Variants in SNW1 observed in about 807,000 individuals in gnomAD.
The protein encoded by SNW1 is SNW domain-containing protein 1.
Under a neutral mutation model 75.6 loss-of-function variants are expected in SNW1, and 9 were observed. That is an observed-to-expected ratio of 0.12 (90% CI 0.07 to 0.21). The LOEUF (loss-of-function observed/expected upper bound fraction) is 0.21. Among genes scored for constraint, SNW1 ranks in the 10% least tolerant of loss-of-function variants. The pLI, the probability that SNW1 is intolerant of heterozygous loss-of-function variation, is 1.00. For missense variants in SNW1, 409 were observed against 670.9 expected (o/e 0.61, Z 4.31); for synonymous variants, 200 against 219.1 (o/e 0.91, Z 0.77).
intron 3 of SNW1, among the ~76,000 whole-genome samples, chr14:77,741,841 G>C (rs916513153): frequency 5.9e-5 from 9 of 152,084 alleles, no homozygotes; most frequent in African/African-American, 2.2e-4. Flanking sequence ...TGGCTCCCTG[G>C]TAGTCATGTA....
In SNW1 at chr14:77,751,462, C is replaced by T. The variant is rs1371565952; in HGVS notation, c.187G>A (p.Ala63Thr). The T allele has an allele frequency of 1.2e-6, 2 of 1,607,848 alleles. No homozygotes were observed. Among genetic ancestry groups the T allele is most frequent in the Non-Finnish European group, 1.7e-6 (2 of 1,178,042 alleles). Residue 63 changes from alanine to threonine, a missense_variant, in exon 3 of 14, where the codon GCT becomes ACT. This residue lies in a region of SNW1 where 10 missense variants were observed against 29.4 expected (regional missense o/e 0.34). Coordinates refer to ENST00000261531, the MANE Select transcript of SNW1 (RefSeq NM_012245.3). ...RLLEDFGDGG[A>T]FPEIHVAQYP... ...TGGGCCACATGGATCTCTGGAAAAG[C>T]ACCTCCATCTCCAAAATCCTACACA...
chr14:77,747,133 G>T (rs970714261), intron 3 of SNW1, among the ~76,000 whole-genome samples: 3 of 152,198 alleles, frequency 2.0e-5, no homozygotes, highest in Non-Finnish European at 4.4e-5. Context: ...TGGCCGGGCT[G>T]GTCTCCAGCT....
Position 77,726,324 on chromosome 14 carries a change from A to T in SNW1, c.1034-3047T>A, listed in dbSNP as rs187038931. Reference sequence around the variant, plus strand: ...CTACAATTTCTGTTTTTAAAATTTAATTTTTTTTCTTTTAAAAAGAGATAG... The same window carrying T: ...CTACAATTTCTGTTTTTAAAATTTATTTTTTTTTCTTTTAAAAAGAGATAG... On this transcript the variant is annotated intron_variant, in intron 10 of 13. Transcript: ENST00000261531. 3.4e-3 allele frequency among the ~76,000 whole-genome samples: 516 copies of T among 152,004 alleles called. 3 individuals carry two copies. The highest frequency in any genetic ancestry group is 0.012 in the African/African-American group (497 of 41,448).
chr14:77,753,296 T>C (rs1161612109), intron 2 of SNW1, among the ~76,000 whole-genome samples: 1 of 152,214 alleles, frequency 6.6e-6, no homozygotes, highest in South Asian at 2.1e-4. Flanking sequence ...ATTTACATTC[T>C]ATGTAAGATG....
intron 11 of SNW1, chr14:77,722,891 C>T (rs2080554129): frequency 1.0e-5 from 4 of 398,210 alleles, no homozygotes; most frequent in Admixed American, 3.8e-5. Flanking sequence ...GTCGCCCAGG[C>T]TGGAATGCAG....
At chr14:77,742,108 A>G (rs1428491247) in intron 3 of SNW1, among the ~76,000 whole-genome samples, 2 of 151,574 alleles carry the variant, frequency 1.3e-5, no homozygotes, top group Non-Finnish European at 2.9e-5. Flanking sequence ...CTCAGCTCAT[A>G]GCAACCTCCG....
At chr14:77,723,126 G>A in intron 11 of SNW1, 55 bp downstream of exon 11, 1 of 1,383,352 alleles carries the variant, frequency 7.2e-7, no homozygotes, top group Admixed American at 1.7e-5. Context: ...GGATTACAGG[G>A]GTGAACCACT....
At chr14:77,746,948 G>A (rs917903322) in intron 3 of SNW1, among the ~76,000 whole-genome samples, 6 of 136,762 alleles carry the variant, frequency 4.4e-5, no homozygotes, top group African/African-American at 1.4e-4. Flanking sequence ...CCCTCTCCAC[G>A]GTCTCCCTCT....
In SNW1 at chr14:77,751,404, A is replaced by C; in HGVS notation, c.245T>G (p.Met82Arg). The change falls in exon 3 of 14, where the codon ATG (methionine) becomes AGG (arginine). Residue 82 changes from methionine to arginine, a missense_variant. Around this residue, in one of 9 missense-constraint regions of SNW1, gnomAD observed 60 missense variants for 62.6 expected, o/e 0.96. Transcript: ENST00000261531. Reference protein sequence around the residue: ...YPLDMGRKKKMSNALAIQVDS... With the variant: ...YPLDMGRKKKRSNALAIQVDS... Reference sequence around the variant, plus strand: ...CACCTGAATGGCCAGCGCATTCGACATTTTTTTCTTTCGTCCCATATCCAG... The same window carrying C: ...CACCTGAATGGCCAGCGCATTCGACCTTTTTTTCTTTCGTCCCATATCCAG... 3 of 1,613,774 alleles carry C rather than the reference A, an allele frequency of 1.9e-6. No homozygotes were observed. Among genetic ancestry groups the C allele is most frequent in the Non-Finnish European group, 2.5e-6 (3 of 1,179,856 alleles).
At chr14:77,736,108 G>T in intron 6 of SNW1, 102 bp from the exon 7 acceptor site, 2 of 753,800 alleles carry the variant, frequency 2.7e-6, no homozygotes, top group Non-Finnish European at 2.2e-6. Flanking sequence ...TTCAAACATA[G>T]ACAAAAACAG....
chr14:77,722,174 C>T (rs759565743), intron 11 of SNW1, among the ~76,000 whole-genome samples: 9 of 152,158 alleles, frequency 5.9e-5, no homozygotes, highest in Non-Finnish European at 1.3e-4. Flanking sequence ...CAGAATTCCA[C>T]CTTAGTATTG....
At chr14:77,719,660 A>AC (rs58752317) in intron 12 of SNW1, among the ~76,000 whole-genome samples, 11 of 114,228 alleles carry the variant, frequency 9.6e-5, no homozygotes, top group African/African-American at 2.8e-4. Context: ...AAACAAACAA[A>AC]AAAAACTTTG....
chr14:77,755,989 C>T (rs2080840111), intron 1 of SNW1, among the ~76,000 whole-genome samples: 1 of 150,114 alleles, frequency 6.7e-6, no homozygotes, highest in South Asian at 2.1e-4. Flanking sequence ...TGTGCCCGCC[C>T]CGGCCTCCCA....
intron 3 of SNW1, among the ~76,000 whole-genome samples, chr14:77,743,389 C>G (rs2080734484): frequency 6.6e-6 from 1 of 152,148 alleles, no homozygotes; most frequent in South Asian, 2.1e-4. Flanking sequence ...TAGACTTGTC[C>G]TAGAATATTA....
chr14:77,725,688 C>T (rs1006378187), intron 10 of SNW1, among the ~76,000 whole-genome samples: 1 of 152,052 alleles, frequency 6.6e-6, no homozygotes, highest in Non-Finnish European at 1.5e-5. Context: ...GAGGCTGAGG[C>T]GGGTGGATCA....
chr14:77,720,182 A>G (rs369968069), intron 12 of SNW1, among the ~76,000 whole-genome samples: 4 of 152,214 alleles, frequency 2.6e-5, no homozygotes, highest in African/African-American at 9.6e-5. Context: ...TTTTTTTGAG[A>G]TAGAGTCTCA....
chr14:77,742,412 G>A (rs2080725893), intron 3 of SNW1, among the ~76,000 whole-genome samples: 1 of 152,122 alleles, frequency 6.6e-6, no homozygotes, highest in South Asian at 2.1e-4. Context: ...GGGCTGGGGA[G>A]CGTTTTCTGA....
Position 77,718,005 on chromosome 14 carries a change from G to C in SNW1, c.*83C>G. ...GGCACCCAGATTTGGTTTTTATCCT[G>C]ACCATTTACAAAGTGTTCCCCCATA... On this transcript the variant is annotated 3_prime_UTR_variant, in exon 14 of 14. Transcript: ENST00000261531. 3 of 1,331,192 alleles carry C rather than the reference G, an allele frequency of 2.3e-6. No homozygotes were observed. Among genetic ancestry groups the C allele is most frequent in the Non-Finnish European group, 3.1e-6 (3 of 980,158 alleles). 82.5% of individuals were successfully genotyped at this position (1,331,192 alleles called of 1,614,324 possible).
chr14:77,754,194 G>A (rs181841970), intron 2 of SNW1, among the ~76,000 whole-genome samples: 1,697 of 151,508 alleles, frequency 0.011, 20 homozygotes, highest in African/African-American at 0.038. Context: ...ACAGGCATGC[G>A]CCACCACACC....
Sources: allele counts gnomAD v4.1 joint callset (sites outside exome capture counted in the v4.1 genomes callset), GRCh38; gene constraint gnomAD v4.1.1; regional missense constraint gnomAD v4.1.1; transcripts MANE v1.5; gene names NCBI Gene and HGNC (gene_info 2026-07-23, HGNC 2026-07-21).